YRDC: variants seen among roughly 807,000 people sequenced by gnomAD.
YRDC encodes yrdC N6-threonylcarbamoyltransferase domain containing.
Under a neutral mutation model 21.5 loss-of-function variants are expected in YRDC, and 17 were observed. That is an observed-to-expected ratio of 0.79 (90% CI 0.54 to 1.19). The LOEUF is 1.19. Among genes scored for constraint, YRDC ranks in the 50% most tolerant of loss-of-function variants. The probability of loss-of-function intolerance (pLI) is 0.00; values close to 1 mark genes in which losing one functional copy is unlikely to be tolerated. For synonymous variants in YRDC, 193 were observed against 176.7 expected, an observed-to-expected ratio of 1.09 and a Z score of -0.73; for missense variants, 380 against 397.1, an observed-to-expected ratio of 0.96 and a Z score of 0.37.
At position 37,807,778 on chromosome 1, in the gene YRDC, C is replaced by G. The variant is rs566636211; in HGVS notation, c.389+14G>C. The stretch of plus-strand genomic sequence containing the variant: ...GGTGCCGCCCCTAGCGGGGCCGGGT[C>G]GGGGCGGCCTTACCTGTAGACGTCG... On this transcript the variant is annotated intron_variant, in intron 1 of 4. Transcript: ENST00000373044. The G allele has an allele frequency of 6.7e-7, 1 of 1,491,926 alleles. No homozygotes were observed. Among genetic ancestry groups the G allele is most frequent in the African/African-American group, 1.4e-5 (1 of 70,294 alleles). 92.4% of individuals were successfully genotyped at this position (1,491,926 alleles called of 1,614,324 possible).
rs1453397979 is a variant in YRDC, at chr1:37,804,414, A to G, written c.655T>C (p.Leu219=). 1 of 1,613,828 alleles carries G rather than the reference A, an allele frequency of 6.2e-7. No individual in the cohort carries two copies. The highest frequency in any genetic ancestry group is 2.2e-5 in the East Asian group (1 of 44,884). ...EFQDLWPQLS[L]VIDGGQIGDG... Reference sequence around the variant, plus strand: ...CCAATTTGTCCCCCATCAATAACCAAGGACAACTGAGGCCAGAGATCCTGG... The same window carrying G: ...CCAATTTGTCCCCCATCAATAACCAGGGACAACTGAGGCCAGAGATCCTGG... The change falls in exon 4 of 5, where the codon TTG becomes CTG. Residue 219 remains leucine, a synonymous_variant. Coordinates refer to ENST00000373044, the MANE Select transcript of YRDC (RefSeq NM_024640.4).
Position 37,807,809 on chromosome 1 carries a change from G to C in YRDC, c.372C>G (p.Arg124=). 1 of 1,509,978 alleles carries C rather than the reference G, an allele frequency of 6.6e-7. No individual in the cohort carries two copies. Among genetic ancestry groups the C allele is most frequent in the Non-Finnish European group, 8.8e-7 (1 of 1,133,858 alleles). 93.5% of individuals were successfully genotyped at this position (1,509,978 alleles called of 1,614,324 possible). The part of the protein sequence containing the change: ...EAKPLAVCLG[R]VADVYRYCRV... ...GGCCTTACCTGTAGACGTCGGCCAC[G>C]CGGCCGAGGCATACGGCCAGAGGCT... Residue 124 remains arginine, a synonymous_variant, in exon 1 of 5, where the codon CGC becomes CGG. Coordinates refer to ENST00000373044, the MANE Select transcript of YRDC (RefSeq NM_024640.4).
chr1:37,804,757 G>C (rs1646723850), intron 3 of YRDC, among the ~76,000 whole-genome samples: 1 of 152,206 alleles, frequency 6.6e-6, no homozygotes, highest in Non-Finnish European at 1.5e-5. Flanking sequence ...GTTCTGGGCA[G>C]AGATACGGGC....
At position 37,808,113 on chromosome 1, in the gene YRDC, C is replaced by A; in HGVS notation, c.68G>T (p.Gly23Val). The change falls in exon 1 of 5, where the codon GGG (glycine) becomes GTG (valine). Residue 23 changes from glycine to valine, a missense_variant. Physicochemically the swap from Gly to Val is moderately radical, Grantham distance 109 (BLOSUM62 -3). Transcript: ENST00000373044. ...AVAASVGLSEGPAGSRSGRLF... is the reference protein window; with the variant it reads ...AVAASVGLSEVPAGSRSGRLF... Reference sequence around the variant, plus strand: ...GCGACCGCTCCGGGAGCCAGCAGGCCCCTCGCTCAACCCCACGCTGGCAGC... The same window carrying A: ...GCGACCGCTCCGGGAGCCAGCAGGCACCTCGCTCAACCCCACGCTGGCAGC... The A allele has an allele frequency of 2.1e-6, 3 of 1,451,896 alleles. No individual in the cohort carries two copies. The highest frequency in any genetic ancestry group is 2.7e-6 in the Non-Finnish European group (3 of 1,107,684). The allele number at this position is 1,451,896 out of a possible 1,614,324, so 89.9% of individuals were successfully genotyped here.
chr1:37,805,517 G>A (rs1248021872), intron 3 of YRDC, among the ~76,000 whole-genome samples: 1 of 152,178 alleles, frequency 6.6e-6, no homozygotes, highest in Non-Finnish European at 1.5e-5. Context: ...AACCCCCCAA[G>A]GAAGACACTG....
rs1474635088 is a variant in YRDC at position 37,803,954 on chromosome 1, G to A, written c.811C>T (p.Leu271=). ...TTAILQQKYG[L]LPSHASYL Reference sequence around the variant, plus strand: ...AGGTAGGACGCATGTGAGGGGAGCAGTCCGTACTTCTGTTGGAGGATGGCT... The same window carrying A: ...AGGTAGGACGCATGTGAGGGGAGCAATCCGTACTTCTGTTGGAGGATGGCT... Residue 271 remains leucine, a synonymous_variant, in exon 5 of 5, where the codon CTG becomes TTG. Transcript: ENST00000373044. 1 of 1,614,196 alleles carries A rather than the reference G, an allele frequency of 6.2e-7. No homozygotes were observed. Among genetic ancestry groups the A allele is most frequent in the African/African-American group, 1.3e-5 (1 of 75,056 alleles).
intron 3 of YRDC, 42 bp from the exon 4 acceptor site, chr1:37,804,486 T>C: frequency 6.3e-7 from 1 of 1,583,722 alleles, no homozygotes; most frequent in Non-Finnish European, 8.6e-7. Flanking sequence ...CTATCCCTGG[T>C]GTATCCAATA....
In YRDC at chr1:37,806,966, A is replaced by G; in HGVS notation, c.515T>C (p.Ile172Thr). Residue 172 changes from isoleucine to threonine, a missense_variant, in exon 3 of 5, where the codon ATT (isoleucine) becomes ACT (threonine). Around this residue, in one of 3 missense-constraint regions of YRDC, gnomAD observed 238 missense variants for 236.5 expected, o/e 1.01. Coordinates refer to ENST00000373044, the MANE Select transcript of YRDC (RefSeq NM_024640.4). ...DLNPFTPLVG[I>T]RIPDHAFMQD... ...CATAAAAGCATGATCAGGAATCCGAATGCCTACAAGCTGTAAGGCAAGGGG... is the reference window on the plus strand; with the variant it reads ...CATAAAAGCATGATCAGGAATCCGAGTGCCTACAAGCTGTAAGGCAAGGGG... 6.2e-7 allele frequency: 1 copy of G among 1,614,232 alleles called. No homozygotes were observed. The highest frequency in any genetic ancestry group is 8.5e-7 in the Non-Finnish European group (1 of 1,180,042).
intron 3 of YRDC, among the ~76,000 whole-genome samples, chr1:37,805,508 A>AC (rs1205690619): frequency 6.6e-6 from 1 of 151,940 alleles, no homozygotes; most frequent in Admixed American, 6.6e-5. Flanking sequence ...AGCTTCCCCA[A>AC]CCCCCCAAGG....
chr1:37,807,640 C>CGTTAAGTCCTCGGTACAT, intron 1 of YRDC, 152 bp downstream of exon 1: 10 of 1,315,084 alleles, frequency 7.6e-6, no homozygotes, highest in Non-Finnish European at 8.9e-6. Context: ...GCCCGGGGCA[C>CGTTAAGTCCTCGGTACAT]GTTAAGTCCT....
rs763317630 is a variant in YRDC, at chr1:37,807,026, G to C, written c.505-50C>G. On this transcript the variant is annotated intron_variant, in intron 2 of 4. Transcript: ENST00000373044. ...ATGAGAAAGGTTGGAAGGGATAAGA[G>C]GGTAAGTCTTATCTGGATCCTAGTG... 10 of 1,613,848 alleles carry C rather than the reference G, an allele frequency of 6.2e-6. No individual in the cohort carries two copies. The Admixed American group carries it at 1.2e-4, about 19-fold the overall frequency.
intron 3 of YRDC, among the ~76,000 whole-genome samples, chr1:37,805,826 T>A (rs1385160270): frequency 6.6e-6 from 1 of 152,088 alleles, no homozygotes; most frequent in African/African-American, 2.4e-5. Context: ...TTCCATCGTA[T>A]CTCTATGTGA....
intron 3 of YRDC, among the ~76,000 whole-genome samples, chr1:37,805,054 G>C: frequency 6.6e-6 from 1 of 151,942 alleles, no homozygotes; most frequent in East Asian, 1.9e-4. Flanking sequence ...CCAGGAGTTT[G>C]AGACTAGCCT....
In YRDC at chr1:37,807,948, C is replaced by CGCAGCTCGGCCACG; in HGVS notation, c.219_232dup (p.Arg78ProfsTer62). 8.1e-7 allele frequency: 1 copy of CGCAGCTCGGCCACG among 1,230,990 alleles called. No homozygotes were observed. The highest frequency in any genetic ancestry group is 1.0e-6 in the Non-Finnish European group (1 of 986,874). 76.3% of individuals were successfully genotyped at this position (1,230,990 alleles called of 1,614,324 possible). ...GGGGACGGCCACCACGGCGCCGGCG[C>CGCAGCTCGGCCACG]GCAGCTCGGCCACGGCGGCCCGCAG... On this transcript the variant is annotated frameshift_variant, in exon 1 of 5. Coordinates refer to ENST00000373044, the MANE Select transcript of YRDC (RefSeq NM_024640.4). LOFTEE classifies it high-confidence loss of function.
chr1:37,805,856 T>C (rs754009266), intron 3 of YRDC, among the ~76,000 whole-genome samples: 3 of 152,182 alleles, frequency 2.0e-5, no homozygotes, highest in Non-Finnish European at 4.4e-5. Flanking sequence ...AGTTACTCTA[T>C]CCAGGCTTAT....
chr1:37,804,763 C>T (rs117616642), intron 3 of YRDC, among the ~76,000 whole-genome samples: 18 of 152,286 alleles, frequency 1.2e-4, no homozygotes, highest in East Asian at 7.7e-4. Flanking sequence ...GGCAGAGATA[C>T]GGGCTATAAC....
intron 3 of YRDC, among the ~76,000 whole-genome samples, chr1:37,805,491 G>A (rs183909441): frequency 6.6e-6 from 1 of 152,312 alleles, no homozygotes; most frequent in East Asian, 1.9e-4. Context: ...ATTGTTAACT[G>A]AGCTAGAGCT....
At chr1:37,805,370 C>T (rs1406449177) in intron 3 of YRDC, among the ~76,000 whole-genome samples, 1 of 152,212 alleles carries the variant, frequency 6.6e-6, no homozygotes, top group African/African-American at 2.4e-5. Flanking sequence ...TCCTGGATCT[C>T]ACTGCGACTC....
chr1:37,806,545 T>C (rs776804609), intron 3 of YRDC, among the ~76,000 whole-genome samples: 2 of 152,180 alleles, frequency 1.3e-5, no homozygotes, highest in Non-Finnish European at 2.9e-5. Context: ...ATTTATAGCC[T>C]AACTGTGTTC....
Sources: gnomAD v4.1 joint callset for allele counts (sites outside exome capture counted in the v4.1 genomes callset) on GRCh38, gnomAD v4.1.1 for gene constraint, gnomAD v4.1.1 regional missense constraint, MANE v1.5 for transcripts, NCBI Gene and HGNC (gene_info 2026-07-23, HGNC 2026-07-21) for gene names.